Variants in GOLPH3 observed in about 807,000 individuals in gnomAD.
GOLPH3 encodes the protein golgi phosphoprotein 3, also known as coat protein GPP34.
GOLPH3 carries 14 observed loss-of-function variants against 28.5 expected under a neutral mutation model. The observed-to-expected ratio is 0.49, with a 90% CI of 0.32 to 0.77. The LOEUF (loss-of-function observed/expected upper bound fraction) is 0.77. GOLPH3 is among the 30% of genes least tolerant of loss of function. The pLI, the probability that GOLPH3 is intolerant of heterozygous loss-of-function variation, is 0.03. For synonymous variants in GOLPH3, 158 were observed against 159.2 expected (o/e 0.99, Z 0.06); for missense variants, 350 against 393.7 (o/e 0.89, Z 0.94).
chr5:32,136,947 G>A (rs987127841), intron 2 of GOLPH3, among the ~76,000 whole-genome samples: 2 of 151,992 alleles, frequency 1.3e-5, no homozygotes, highest in Admixed American at 6.6e-5. Context: ...AGGTAAGAAA[G>A]GTTTCTTGGT....
chr5:32,167,099 T>C (rs766988138), intron 1 of GOLPH3, among the ~76,000 whole-genome samples: 2 of 152,186 alleles, frequency 1.3e-5, no homozygotes, highest in Non-Finnish European at 2.9e-5. Context: ...TAAAAGTGTA[T>C]TTCTTTAAAT....
chr5:32,164,159 C>G (rs891340839), intron 1 of GOLPH3, among the ~76,000 whole-genome samples: 1 of 152,146 alleles, frequency 6.6e-6, no homozygotes, highest in African/African-American at 2.4e-5. Flanking sequence ...AATTCTATTG[C>G]AATAAAAATT....
chr5:32,140,786 AGT>A (rs1461437215), intron 2 of GOLPH3, among the ~76,000 whole-genome samples: 1 of 146,362 alleles, frequency 6.8e-6, no homozygotes. Context: ...CAGGCAATGG[AGT>A]GAGACTCTGT....
In GOLPH3 at chr5:32,129,097, G is replaced by A. The variant is rs190872043; in HGVS notation, c.473-2461C>T. Among the ~76,000 whole-genome samples, 108 of 152,016 alleles carry A rather than the reference G, an allele frequency of 7.1e-4. No individual in the cohort carries two copies. The East Asian group carries it at 0.016, about 23-fold the overall frequency. On this transcript the variant is annotated intron_variant, in intron 3 of 3. Coordinates refer to ENST00000265070, the MANE Select transcript of GOLPH3 (RefSeq NM_022130.4). Reference sequence around the variant, plus strand: ...CTCGGGAGGCTGAGGCAGGAGAATCGCTTGAACCCGGGAGGCGGAGGTTGC... The same window carrying A: ...CTCGGGAGGCTGAGGCAGGAGAATCACTTGAACCCGGGAGGCGGAGGTTGC...
At chr5:32,141,659 C>G (rs1168635181) in intron 2 of GOLPH3, among the ~76,000 whole-genome samples, 7 of 152,258 alleles carry the variant, frequency 4.6e-5, no homozygotes, top group Admixed American at 6.5e-5. Context: ...CGAGCCAAAG[C>G]TGGACGGTAC....
rs572130906 is a variant in GOLPH3, at chr5:32,146,722, T to C, written c.226-2842A>G. On this transcript the variant is annotated intron_variant, in intron 1 of 3. Transcript: ENST00000265070. The stretch of plus-strand genomic sequence containing the variant: ...CCGGAAGTATAAGATTTTCCTTATA[T>C]GTTATTAAAAACATTTACAACATGG... Among the ~76,000 whole-genome samples the C allele has an allele frequency of 7.9e-5, 12 of 152,362 alleles. No individual in the cohort carries two copies. In the South Asian group the frequency reaches 2.3e-3, roughly 29 times the overall value.
intron 1 of GOLPH3, among the ~76,000 whole-genome samples, chr5:32,154,943 C>T (rs939626861): frequency 7.2e-5 from 11 of 151,954 alleles, no homozygotes. Context: ...ATTAGCCAGG[C>T]GTGGTGGCAT....
chr5:32,143,015 A>G (rs1248729982), intron 2 of GOLPH3, among the ~76,000 whole-genome samples: 6 of 152,008 alleles, frequency 3.9e-5, no homozygotes, highest in African/African-American at 1.5e-4. Context: ...GAAAGTGGGG[A>G]AAGGTGGGGA....
rs375449502 is a variant in GOLPH3 at position 32,126,404 on chromosome 5, G to C, written c.705C>G (p.Arg235=). ...WVNDPHRMDR[R]LLALIYLAHA... The stretch of plus-strand genomic sequence containing the variant: ...GAGCCAGGTAAATGAGGGCCAGCAA[G>C]CGCCTGTCCATGCGGTGAGGGTCAT... Residue 235 remains arginine, a synonymous_variant, in exon 4 of 4, where the codon CGC becomes CGG. Coordinates refer to ENST00000265070, the MANE Select transcript of GOLPH3 (RefSeq NM_022130.4). 1.9e-6 allele frequency: 3 copies of C among 1,614,044 alleles called. No individual in the cohort carries two copies. The highest frequency in any genetic ancestry group is 2.5e-6 in the Non-Finnish European group (3 of 1,180,026).
chr5:32,155,098 C>CA (rs55955910), intron 1 of GOLPH3, among the ~76,000 whole-genome samples: 1,606 of 112,940 alleles, frequency 0.014, 34 homozygotes, highest in African/African-American at 0.019. Flanking sequence ...GACTCTGTCT[C>CA]AAAAAAAAAA....
intron 1 of GOLPH3, among the ~76,000 whole-genome samples, chr5:32,152,359 G>A (rs112445233): frequency 3.4e-5 from 5 of 148,836 alleles, no homozygotes; most frequent in Admixed American, 2.0e-4. Context: ...ACTCCTGACC[G>A]CGTGATCCGC....
At chr5:32,142,810 C>T (rs1338218172) in intron 2 of GOLPH3, among the ~76,000 whole-genome samples, 4 of 145,740 alleles carry the variant, frequency 2.7e-5, no homozygotes, top group South Asian at 2.2e-4. Flanking sequence ...CCAGCTGCCC[C>T]GTCCAGGAGG....
At chr5:32,139,287 CAT>C (rs1439961032) in intron 2 of GOLPH3, among the ~76,000 whole-genome samples, 4 of 152,154 alleles carry the variant, frequency 2.6e-5, no homozygotes, top group African/African-American at 9.7e-5. Context: ...CTGGGGGTGA[CAT>C]AAAGTATAGA....
intron 3 of GOLPH3, among the ~76,000 whole-genome samples, chr5:32,128,634 C>G (rs944294878): frequency 6.6e-6 from 1 of 151,942 alleles, no homozygotes; most frequent in African/African-American, 2.4e-5. Flanking sequence ...GCTCTCCAAC[C>G]TAGGCAACAA....
At chr5:32,155,956 C>CAAAAAAAAAAAA (rs70961608) in intron 1 of GOLPH3, among the ~76,000 whole-genome samples, 9 of 47,770 alleles carry the variant, frequency 1.9e-4, no homozygotes, top group South Asian at 2.1e-3. Context: ...AACACTGTCT[C>CAAAAAAAAAAAA]AAAAAAAAAA....
At chr5:32,127,493 C>A (rs1745709630) in intron 3 of GOLPH3, among the ~76,000 whole-genome samples, 1 of 152,176 alleles carries the variant, frequency 6.6e-6, no homozygotes, top group African/African-American at 2.4e-5. Flanking sequence ...AAACCTTCAG[C>A]CACACTGTCC....
intron 1 of GOLPH3, among the ~76,000 whole-genome samples, chr5:32,155,088 G>C (rs929946684): frequency 2.0e-4 from 16 of 80,206 alleles, no homozygotes; most frequent in Non-Finnish European, 3.1e-4. Context: ...GACAGAGCAA[G>C]ACTCTGTCTC....
intron 1 of GOLPH3, among the ~76,000 whole-genome samples, chr5:32,145,402 T>G (rs968432170): frequency 1.3e-5 from 2 of 152,236 alleles, no homozygotes; most frequent in African/African-American, 4.8e-5. Context: ...ATAATACCAG[T>G]ACTTTATAGA....
chr5:32,171,210 G>A (rs1746827571), intron 1 of GOLPH3, among the ~76,000 whole-genome samples: 1 of 151,980 alleles, frequency 6.6e-6, no homozygotes, highest in South Asian at 2.1e-4. Flanking sequence ...TGGCTTCCCT[G>A]GGCCACACTG....
Sources: gnomAD v4.1 joint callset for allele counts (sites outside exome capture counted in the v4.1 genomes callset) on GRCh38, gnomAD v4.1.1 for gene constraint, MANE v1.5 for transcripts, NCBI Gene and HGNC (gene_info 2026-07-23, HGNC 2026-07-21) for gene names.